The following CEL variants were observed in gnomAD, a reference collection of about 807,000 sequenced individuals.
CEL encodes carboxyl ester lipase, also known as bile salt-activated lipase.
In CEL, 39 loss-of-function variants were observed where a neutral mutation model predicts 57.1. The observed-to-expected ratio is 0.68, with a 90% CI of 0.53 to 0.89. CEL has a LOEUF of 0.89. Among genes scored for constraint, CEL ranks in the 40% least tolerant of loss-of-function variants. The pLI, the probability that CEL is intolerant of heterozygous loss-of-function variation, is 0.00. For missense variants in CEL, 698 were observed against 915.0 expected (o/e 0.76, Z 3.06); for synonymous variants, 314 against 396.6 (o/e 0.79, Z 2.48).
rs948244953 is a variant in CEL, at chr9:133,066,198, C to T, written c.539-332C>T. Among the ~76,000 whole-genome samples the T allele has an allele frequency of 3.3e-5, 5 of 152,080 alleles. No individual in the cohort carries two copies. Among genetic ancestry groups the T allele is most frequent in the African/African-American group, 9.7e-5 (4 of 41,396 alleles). ...GGCAGGGGCAGGAGAGGTGCATGGG[C>T]CTGACCATCCTGCCCCCGACAAACA... is the stretch of plus-strand genomic sequence containing the variant. On this transcript the variant is annotated intron_variant, in intron 4 of 10. Transcript: ENST00000372080. This position sits in a 1 kb window ranked among gnomAD's most constrained non-coding sequence, Gnocchi z 4.3.
rs775861204 is a variant in CEL, at chr9:133,070,478, C to T, written c.1304C>T (p.Ala435Val). 8 of 1,613,662 alleles carry T rather than the reference C, an allele frequency of 5.0e-6. No homozygotes were observed. The East Asian group carries it at 1.8e-4, about 36-fold the overall frequency. Residue 435 changes from alanine (A) to valine (V), a missense_variant, in exon 10 of 11, where the codon GCC (alanine) becomes GTC (valine). Transcript: ENST00000372080. ...RANAKSAKTYAYLFSHPSRMP... is the reference protein window; with the variant it reads ...RANAKSAKTYVYLFSHPSRMP... ...CCCTCCAGGAGTGCCAAGACCTACG[C>T]CTACCTGTTTTCCCATCCCTCTCGG...
At position 133,071,856 on chromosome 9, in the gene CEL, C is replaced by A; in HGVS notation, c.*92C>A. ...AGCTCTTCCTGAATAAAGCCTCATA[C>A]CCCTGTCGGTGTCTTTCTTTGCTCC... On this transcript the variant is annotated 3_prime_UTR_variant, in exon 11 of 11. Coordinates refer to ENST00000372080, the MANE Select transcript of CEL (RefSeq NM_001807.6). 8.3e-7 allele frequency: 1 copy of A among 1,209,208 alleles called. No homozygotes were observed. The highest frequency in any genetic ancestry group is 1.2e-6 in the Non-Finnish European group (1 of 830,502). 74.9% of individuals were successfully genotyped at this position (1,209,208 alleles called of 1,614,324 possible).
At chr9:133,064,310 C>T in intron 1 of CEL, 94 bp from the exon 2 acceptor site, 1 of 1,557,896 alleles carries the variant, frequency 6.4e-7, no homozygotes, top group African/African-American at 1.4e-5. Context: ...GCTGTCTTTG[C>T]CTCTGGGCAC....
intron 2 of CEL, 32 bp downstream of exon 2, chr9:133,064,586 G>A (rs758828548): frequency 6.2e-6 from 10 of 1,613,862 alleles, no homozygotes; most frequent in Admixed American, 3.3e-5. Context: ...CTGGCCCTGC[G>A]GCGGGGCGGG....
intron 10 of CEL, 95 bp from the exon 11 acceptor site, chr9:133,070,892 C>T (rs1830249109): frequency 1.4e-6 from 2 of 1,463,940 alleles, no homozygotes; most frequent in African/African-American, 1.4e-5. Flanking sequence ...AGGGCCAGCT[C>T]AGAGGGCGGG....
Position 133,068,657 on chromosome 9 carries a change from G to A in CEL, c.896-15G>A, listed in dbSNP as rs753696960. ...AGGTACAAGAACCTGCTAACCTGCT[G>A]GCTCTCCCACCCAGACCCCATGCTG... On this transcript the variant is annotated splice_polypyrimidine_tract_variant and intron_variant, in intron 7 of 10. Coordinates refer to ENST00000372080, the MANE Select transcript of CEL (RefSeq NM_001807.6). The A allele has an allele frequency of 1.2e-6, 2 of 1,613,290 alleles. No homozygotes were observed. Among genetic ancestry groups the A allele is most frequent in the African/African-American group, 1.3e-5 (1 of 74,640 alleles).
chr9:133,068,047 T>C (rs1294163448), intron 7 of CEL, among the ~76,000 whole-genome samples: 1 of 152,218 alleles, frequency 6.6e-6, no homozygotes, highest in Non-Finnish European at 1.5e-5. Flanking sequence ...TCTGCACGTT[T>C]ACCTGACATG....
chr9:133,068,071 G>C lies in CEL; in HGVS notation c.896-601G>C, dbSNP rs189221750. Among the ~76,000 whole-genome samples the C allele has an allele frequency of 1.0e-3, 157 of 152,284 alleles. 1 individual carries two copies. The highest frequency in any genetic ancestry group is 0.01 in the Middle Eastern group (3 of 294). On this transcript the variant is annotated intron_variant, in intron 7 of 10. Coordinates refer to ENST00000372080, the MANE Select transcript of CEL (RefSeq NM_001807.6). ...TTACCTGACATGAGCTCAACTGCAC[G>C]GGCTGGACAAGCCCAAACAAAGCAA...
chr9:133,065,707 G>A (rs1304068104), intron 4 of CEL, among the ~76,000 whole-genome samples: 3 of 152,088 alleles, frequency 2.0e-5, no homozygotes, highest in Non-Finnish European at 2.9e-5. Context: ...TTAGCCAGGC[G>A]TGGTGGCGCT....
At chr9:133,063,489 G>A (rs565258356) in intron 1 of CEL, among the ~76,000 whole-genome samples, 19 of 152,314 alleles carry the variant, frequency 1.2e-4, no homozygotes, top group Admixed American at 1.1e-3. Flanking sequence ...CTGGGCCTGG[G>A]GGTGTAGGGC....
At position 133,071,749 on chromosome 9, in the gene CEL, A is replaced by G. The variant is rs1196200862; in HGVS notation, c.2247A>G (p.Ala749=). The change falls in exon 11 of 11, where the codon GCA becomes GCG. Residue 749 remains alanine (A), a synonymous_variant. Transcript: ENST00000372080. ...ACTCCAAGGAAGCTCAGATGCCTGC[A>G]GTCATTAGGTTTTAGCGTCCCATGA... is the stretch of plus-strand genomic sequence containing the variant. ...TDDSKEAQMP[A]VIRF 1.2e-6 allele frequency: 2 copies of G among 1,611,908 alleles called. No homozygotes were observed. The highest frequency in any genetic ancestry group is 1.7e-6 in the Non-Finnish European group (2 of 1,179,192).
At chr9:133,068,175 T>G (rs1278794148) in intron 7 of CEL, among the ~76,000 whole-genome samples, 1 of 152,226 alleles carries the variant, frequency 6.6e-6, no homozygotes, top group African/African-American at 2.4e-5. Context: ...CAGCAGCCAC[T>G]GGGTCCTCTA....
rs1281553387 is a variant in CEL, at chr9:133,071,852, C to T, written c.*88C>T. On this transcript the variant is annotated 3_prime_UTR_variant, in exon 11 of 11. Transcript: ENST00000372080. The stretch of plus-strand genomic sequence containing the variant: ...CTTGAGCTCTTCCTGAATAAAGCCT[C>T]ATACCCCTGTCGGTGTCTTTCTTTG... 1 of 1,233,002 alleles carries T rather than the reference C, an allele frequency of 8.1e-7. No individual in the cohort carries two copies. Among genetic ancestry groups the T allele is most frequent in the South Asian group, 1.2e-5 (1 of 80,176 alleles). The allele number at this position is 1,233,002 out of a possible 1,614,324, so 76.4% of individuals were successfully genotyped here. A position where few individuals can be genotyped will look rare whatever the true frequency, so the allele number is the denominator to read the frequency against.
intron 4 of CEL, among the ~76,000 whole-genome samples, chr9:133,065,738 C>T (rs1480368958): frequency 5.3e-5 from 8 of 149,554 alleles, no homozygotes; most frequent in East Asian, 2.0e-4. Context: ...CCCAGCTACT[C>T]GGGAGGCTGA....
Position 133,065,869 on chromosome 9 carries a change from A to T in CEL, c.538+632A>T, listed in dbSNP as rs1389569688. On this transcript the variant is annotated intron_variant, in intron 4 of 10. Transcript: ENST00000372080. ...CTCAAAAAAAAAAAAAAAAAAAAAA[A>T]TAGCCAGGCGTGGTATCTCATGCCT... Among the ~76,000 whole-genome samples the T allele has an allele frequency of 9.5e-4, 140 of 147,478 alleles. 2 individuals are homozygous for T. Among genetic ancestry groups the T allele is most frequent in the African/African-American group, 3.4e-3 (131 of 38,954 alleles).
chr9:133,065,846 CAAAAAAAAAAA>C (rs34365056), intron 4 of CEL, among the ~76,000 whole-genome samples: 1 of 75,820 alleles, frequency 1.3e-5, no homozygotes, highest in African/African-American at 5.0e-5. Flanking sequence ...AACTCTGTCT[CAAAAAAAAAAA>C]AAAAAAAAAA....
Position 133,066,427 on chromosome 9 carries a change from A to G in CEL, c.539-103A>G, listed in dbSNP as rs1402267576. On this transcript the variant is annotated intron_variant, in intron 4 of 10. Transcript: ENST00000372080. This position sits in a 1 kb window ranked among gnomAD's most constrained non-coding sequence, Gnocchi z 4.3. ...CAACTGGGGCTCTGCCATGGCCCCA[A>G]CTCTGTTGAGGGCATTTCCACCCCA... The G allele has an allele frequency of 2.7e-6, 4 of 1,489,120 alleles. No individual in the cohort carries two copies. Among genetic ancestry groups the G allele is most frequent in the East Asian group, 2.3e-5 (1 of 43,946 alleles). The allele number at this position is 1,489,120 out of a possible 1,614,324, so 92.2% of individuals were successfully genotyped here. A position where few individuals can be genotyped will look rare whatever the true frequency, so the allele number is the denominator to read the frequency against.
intron 7 of CEL, among the ~76,000 whole-genome samples, chr9:133,067,892 C>A (rs371219211): frequency 1.3e-5 from 2 of 152,218 alleles, no homozygotes; most frequent in East Asian, 1.9e-4. Flanking sequence ...CACTGGGGCC[C>A]AGCCTCCAGC....
chr9:133,067,255 G>A (rs1263719278), intron 7 of CEL, 50 bp downstream of exon 7: 2 of 1,529,424 alleles, frequency 1.3e-6, no homozygotes, highest in Admixed American at 1.7e-5. Flanking sequence ...GGGGGTTGAG[G>A]GGGGTACTGC....
Sources: gnomAD v4.1 joint callset for allele counts (sites outside exome capture counted in the v4.1 genomes callset) on GRCh38, gnomAD v4.1.1 for gene constraint, Gnocchi (gnomAD v3.1) non-coding constraint, MANE v1.5 for transcripts, NCBI Gene and HGNC (gene_info 2026-07-23, HGNC 2026-07-21) for gene names.